CFTR: variants seen among roughly 807,000 people sequenced by gnomAD.
The protein encoded by CFTR is CF transmembrane conductance regulator.
In CFTR, 181 loss-of-function variants were observed where a neutral mutation model predicts 171.6. The ratio of observed to expected loss-of-function variants is 1.05; its 90% CI spans 0.93 to 1.19. The LOEUF (loss-of-function observed/expected upper bound fraction) is 1.19. Ranked by LOEUF, CFTR falls within the 50% of genes most tolerant of loss-of-function variation. The pLI is 0.00. For missense variants in CFTR, 1,968 were observed against 1,734.7 expected (o/e 1.13, Z -2.39); for synonymous variants, 583 against 608.0 (o/e 0.96, Z 0.60).
intron 11 of CFTR, among the ~76,000 whole-genome samples, chr7:117,579,107 A>G (rs772036416): frequency 1.9e-4 from 29 of 152,070 alleles, no homozygotes; most frequent in Admixed American, 3.9e-4. Context: ...TAACTATTTG[A>G]TTCATAATAG....
intron 1 of CFTR, chr7:117,488,021 C>T (rs1000426542): frequency 6.6e-6 from 1 of 152,096 alleles, no homozygotes; most frequent in African/African-American, 2.4e-5. Context: ...TTAAACATCT[C>T]TATAAACTCT....
At chr7:117,483,774 A>G (rs1456297916) in intron 1 of CFTR, among the ~76,000 whole-genome samples, 2 of 150,940 alleles carry the variant, frequency 1.3e-5, no homozygotes, top group Non-Finnish European at 3.0e-5. Flanking sequence ...GTATCTCACT[A>G]TGTTGCCCAG....
chr7:117,632,658 A>G (rs1191058241), intron 22 of CFTR, among the ~76,000 whole-genome samples: 2 of 152,188 alleles, frequency 1.3e-5, no homozygotes, highest in Non-Finnish European at 2.9e-5. Context: ...GCAAAAGGTT[A>G]GGGAATGGGT....
chr7:117,485,768 G>C (rs1798065186), intron 1 of CFTR, among the ~76,000 whole-genome samples: 1 of 152,070 alleles, frequency 6.6e-6, no homozygotes, highest in South Asian at 2.1e-4. Context: ...GTGCAGCTCT[G>C]TTAACTTATT....
At chr7:117,517,853 C>CT (rs1431652169) in intron 3 of CFTR, among the ~76,000 whole-genome samples, 3 of 152,154 alleles carry the variant, frequency 2.0e-5, no homozygotes, top group Non-Finnish European at 2.9e-5. Flanking sequence ...TAAATGTCTT[C>CT]TTTTGAGAAG....
chr7:117,554,630 C>A (rs1350832261), intron 10 of CFTR, among the ~76,000 whole-genome samples: 2 of 151,820 alleles, frequency 1.3e-5, no homozygotes, highest in Non-Finnish European at 2.9e-5. Context: ...TAGGGGTTAG[C>A]CTAAGGGCAT....
chr7:117,618,178 G>T (rs35063389), intron 21 of CFTR, among the ~76,000 whole-genome samples: 6 of 152,006 alleles, frequency 3.9e-5, no homozygotes, highest in African/African-American at 1.2e-4. Context: ...TCTCAGCCCT[G>T]TTCTACTGAC....
At chr7:117,666,868 T>C in intron 26 of CFTR, 40 bp from the exon 27 acceptor site, 2 of 1,584,400 alleles carry the variant, frequency 1.3e-6, no homozygotes, top group South Asian at 2.2e-5. Context: ...TGGTCTGACC[T>C]GCCTTCTGTC....
intron 21 of CFTR, among the ~76,000 whole-genome samples, chr7:117,622,345 T>C (rs748233886): frequency 1.3e-5 from 2 of 152,176 alleles, no homozygotes; most frequent in Non-Finnish European, 2.9e-5. Context: ...CTAAAGATTA[T>C]GCTAATGGAT....
intron 17 of CFTR, chr7:117,604,969 T>C (rs192066064): frequency 4.9e-4 from 75 of 152,358 alleles, no homozygotes; most frequent in African/African-American, 1.7e-3. Flanking sequence ...AAGTGACTCT[T>C]CTGAGCCTTG....
intron 1 of CFTR, among the ~76,000 whole-genome samples, chr7:117,500,070 AG>A (rs1798296898): frequency 6.6e-6 from 1 of 152,132 alleles, no homozygotes; most frequent in Non-Finnish European, 1.5e-5. Flanking sequence ...TTCTAGTGGA[AG>A]AAATGCTGAA....
In CFTR at chr7:117,634,406, C is replaced by T. The variant is rs557286815; in HGVS notation, c.3717+6636C>T. ...TTTGTTAGCCAGGCTAGAGATATCTCTATTTTTGATGTTTTTGATGAACCA... is the reference window on the plus strand; with the variant it reads ...TTTGTTAGCCAGGCTAGAGATATCTTTATTTTTGATGTTTTTGATGAACCA... On this transcript the variant is annotated intron_variant, in intron 22 of 26. Transcript: ENST00000003084. Among the ~76,000 whole-genome samples the T allele has an allele frequency of 3.3e-5, 5 of 152,092 alleles. No homozygotes were observed. In the East Asian group the frequency reaches 5.8e-4, roughly 18 times the overall value.
In CFTR at chr7:117,646,138, G is replaced by A. The variant is rs991503353; in HGVS notation, c.3873+3545G>A. ...CTCTGTTTTCTTGTCTGTAAAATGA[G>A]TATAATGGTAGTAACTAATTCATTG... On this transcript the variant is annotated intron_variant, in intron 23 of 26. Coordinates refer to ENST00000003084, the MANE Select transcript of CFTR (RefSeq NM_000492.4). Among the ~76,000 whole-genome samples, 3 of 152,244 alleles carry A rather than the reference G, an allele frequency of 2.0e-5. No homozygotes were observed. In the East Asian group the frequency reaches 5.8e-4, roughly 29 times the overall value.
intron 18 of CFTR, 116 bp from the exon 19 acceptor site, chr7:117,610,403 A>C: frequency 1.2e-6 from 1 of 847,942 alleles, no homozygotes; most frequent in East Asian, 2.7e-5. Context: ...AATAAAAAAA[A>C]GTTTGAGGTG....
intron 11 of CFTR, among the ~76,000 whole-genome samples, chr7:117,560,953 C>T (rs894860436): frequency 1.3e-5 from 2 of 151,880 alleles, no homozygotes; most frequent in African/African-American, 2.4e-5. Context: ...GCGGAAGGTG[C>T]CTTACAGACT....
intron 7 of CFTR, among the ~76,000 whole-genome samples, chr7:117,538,568 A>T (rs1174542897): frequency 6.6e-6 from 1 of 152,216 alleles, no homozygotes; most frequent in Non-Finnish European, 1.5e-5. Flanking sequence ...TTTTATAAAT[A>T]CCAGCCTAGT....
chr7:117,579,527 T>A (rs1056334370), intron 11 of CFTR, among the ~76,000 whole-genome samples: 2 of 151,838 alleles, frequency 1.3e-5, no homozygotes, highest in Non-Finnish European at 2.9e-5. Context: ...TGACATATAG[T>A]AAGCACAAAT....
rs553097561 is a variant in CFTR, at chr7:117,573,062, C to G, written c.1584+13407C>G. ...TCTCTCTCTCTCTCTCTCTCTTGCT[C>G]TCTCTCTCTCTTTCTGTCAATATAG... On this transcript the variant is annotated intron_variant, in intron 11 of 26. Coordinates refer to ENST00000003084, the MANE Select transcript of CFTR (RefSeq NM_000492.4). Among the ~76,000 whole-genome samples the G allele has an allele frequency of 2.6e-3, 367 of 141,938 alleles. 6 individuals are homozygous for G. The highest frequency in any genetic ancestry group is 9.1e-3 in the African/African-American group (352 of 38,564). 93.1% of individuals were successfully genotyped at this position (141,938 alleles called of 152,430 possible).
chr7:117,523,354 C>G (rs912618722), intron 3 of CFTR, among the ~76,000 whole-genome samples: 1 of 150,916 alleles, frequency 6.6e-6, no homozygotes, highest in Non-Finnish European at 1.5e-5. Context: ...AAGACTGTCT[C>G]TGAATTTTTG....
Sources: allele counts gnomAD v4.1 joint callset (sites outside exome capture counted in the v4.1 genomes callset), GRCh38; gene constraint gnomAD v4.1.1; transcripts MANE v1.5; gene names NCBI Gene and HGNC (gene_info 2026-07-23, HGNC 2026-07-21).